The following ZNF493 variants were observed in gnomAD, a reference collection of about 807,000 sequenced individuals.
ZNF493 encodes the protein zinc finger protein 493.
ZNF493 carries 11 observed loss-of-function variants against 12.2 expected under a neutral mutation model. The ratio of observed to expected loss-of-function variants is 0.90; its 90% CI spans 0.57 to 1.50. The LOEUF is 1.50. Ranked by LOEUF, ZNF493 falls within the 40% of genes most tolerant of loss-of-function variation. ZNF493 has a pLI of 0.00. For missense variants in ZNF493, 950 were observed against 906.6 expected (o/e 1.05, Z -0.61); for synonymous variants, 286 against 302.6 (o/e 0.95, Z 0.57).
intron 3 of ZNF493, chr19:21,407,889 T>C: frequency 2.0e-6 from 2 of 985,230 alleles, no homozygotes; most frequent in Non-Finnish European, 2.4e-6. Context: ...CAATAGAGTT[T>C]ACTATTGGTG....
rs777190844 is a variant in ZNF493, at chr19:21,425,749, T to C, written c.*765T>C. 12 of 607,050 alleles carry C rather than the reference T, an allele frequency of 2.0e-5. No homozygotes were observed. The highest frequency in any genetic ancestry group is 1.8e-5 in the Non-Finnish European group (6 of 325,898). 37.6% of individuals were successfully genotyped at this position (607,050 alleles called of 1,614,324 possible). The stretch of plus-strand genomic sequence containing the variant: ...TTTTCAAACCTTACTAAACATAAGA[T>C]AACTCATACTGGAGAAAAATCTTAC... On this transcript the variant is annotated 3_prime_UTR_variant, in exon 4 of 4. Transcript: ENST00000392288.
chr19:21,423,368 TC>T lies in ZNF493; in HGVS notation c.711del (p.Tyr238ThrfsTer48). On this transcript the variant is annotated frameshift_variant, in exon 4 of 4. Transcript: ENST00000392288. LOFTEE classifies it low-confidence loss of function (END_TRUNC). ...CAGGAGAGTTCATACTGGAGAGAAA[TC>T]CTACAAATATGAATGTGGCAAATCT... ...RHRRVHTGEK[S>X]YKYECGKSFN... 1 of 1,613,302 alleles carries T rather than the reference TC, an allele frequency of 6.2e-7. No homozygotes were observed. Among genetic ancestry groups the T allele is most frequent in the South Asian group, 1.1e-5 (1 of 91,058 alleles).
At chr19:21,408,295 T>A (rs777093713) in intron 3 of ZNF493, 8 of 599,990 alleles carry the variant, frequency 1.3e-5, no homozygotes, top group Non-Finnish European at 1.7e-5. Flanking sequence ...CCAGCTAATT[T>A]TTTGTGTGTT....
intron 1 of ZNF493, chr19:21,397,595 G>T: frequency 1.9e-6 from 1 of 530,698 alleles, no homozygotes; most frequent in East Asian, 3.0e-5. Context: ...CCTGACTTGG[G>T]GTGCGGGTTC....
intron 1 of ZNF493, among the ~76,000 whole-genome samples, chr19:21,404,323 T>G (rs572239831): frequency 2.0e-5 from 3 of 152,254 alleles, no homozygotes; most frequent in African/African-American, 7.2e-5. Context: ...TGATGATGTC[T>G]TCTTCTGTGT....
chr19:21,400,161 C>T (rs1172474593), intron 1 of ZNF493, among the ~76,000 whole-genome samples: 5 of 152,228 alleles, frequency 3.3e-5, no homozygotes, highest in South Asian at 2.1e-4. Flanking sequence ...CCTGTAATCC[C>T]AGCACTTTGG....
intron 3 of ZNF493, chr19:21,413,804 T>G: frequency 4.5e-6 from 1 of 219,956 alleles, no homozygotes; most frequent in Non-Finnish European, 8.8e-6. Context: ...AGCTGGTTTC[T>G]GTACATGCTG....
chr19:21,417,874 C>T (rs1333602727), intron 3 of ZNF493, among the ~76,000 whole-genome samples: 2 of 152,176 alleles, frequency 1.3e-5, no homozygotes, highest in East Asian at 3.8e-4. Context: ...AGACTGGAAA[C>T]GGCAACATTC....
chr19:21,400,945 T>C (rs990158748), intron 1 of ZNF493, among the ~76,000 whole-genome samples: 8 of 152,234 alleles, frequency 5.3e-5, no homozygotes, highest in Admixed American at 6.5e-5. Flanking sequence ...ATGCCTTTTA[T>C]TTCTCTCTCT....
chr19:21,415,863 G>C (rs1326734035), intron 3 of ZNF493, among the ~76,000 whole-genome samples: 4 of 152,140 alleles, frequency 2.6e-5, no homozygotes. Flanking sequence ...GACTATTAAA[G>C]GCCAATTTTT....
In ZNF493 at chr19:21,417,781, C is replaced by G. The variant is rs149058968; in HGVS notation, c.254-5132C>G. On this transcript the variant is annotated intron_variant, in intron 3 of 3. Coordinates refer to ENST00000392288, the MANE Select transcript of ZNF493 (RefSeq NM_001076678.3). ...CGAGCAGCCTGAATGGAAGCTTCAT[C>G]TGCCCACCAAGTTTTAAATTGTAAG... Among the ~76,000 whole-genome samples the G allele has an allele frequency of 5.7e-3, 875 of 152,274 alleles. 4 individuals are homozygous for G. The highest frequency in any genetic ancestry group is 0.02 in the African/African-American group (846 of 41,558).
chr19:21,425,456 C>T lies in ZNF493; in HGVS notation c.*472C>T, dbSNP rs555191257. 588 of 463,456 alleles carry T rather than the reference C, an allele frequency of 1.3e-3. 2 individuals are homozygous for T. The highest frequency in any genetic ancestry group is 1.6e-3 in the Admixed American group (50 of 30,872). 28.7% of individuals were successfully genotyped at this position (463,456 alleles called of 1,614,324 possible). ...AATTATACAAATGTGAAGAATGTGG[C>T]AAAGCTTTTAACAAATCCTCATCCA... On this transcript the variant is annotated 3_prime_UTR_variant, in exon 4 of 4. Coordinates refer to ENST00000392288, the MANE Select transcript of ZNF493 (RefSeq NM_001076678.3).
chr19:21,406,218 A>G (rs1286027168), intron 3 of ZNF493, among the ~76,000 whole-genome samples: 1 of 82,526 alleles, frequency 1.2e-5, no homozygotes, highest in Non-Finnish European at 2.6e-5. Context: ...GTGAGACTTC[A>G]TCTCAAAAAA....
chr19:21,415,183 A>AC (rs1366216624), intron 3 of ZNF493, among the ~76,000 whole-genome samples: 1 of 152,184 alleles, frequency 6.6e-6, no homozygotes, highest in Non-Finnish European at 1.5e-5. Context: ...CTGAGTTGAA[A>AC]AAATTAGCAA....
chr19:21,406,392 T>A (rs962839869), intron 3 of ZNF493, among the ~76,000 whole-genome samples: 2 of 152,044 alleles, frequency 1.3e-5, no homozygotes, highest in Admixed American at 1.3e-4. Context: ...ATCTTCTGTC[T>A]TATGCTTTTA....
At chr19:21,416,592 C>G (rs533391008) in intron 3 of ZNF493, among the ~76,000 whole-genome samples, 3 of 152,240 alleles carry the variant, frequency 2.0e-5, no homozygotes, top group Admixed American at 2.0e-4. Context: ...ATTTCTTTCC[C>G]TGAATAGTTA....
chr19:21,401,443 C>T (rs1468755025), intron 1 of ZNF493, among the ~76,000 whole-genome samples: 1 of 151,934 alleles, frequency 6.6e-6, no homozygotes, highest in Non-Finnish European at 1.5e-5. Flanking sequence ...GCCAAATTTT[C>T]ATATTAGAAT....
Position 21,425,947 on chromosome 19 carries a change from ATG to A in ZNF493, c.*966_*967del. The A allele has an allele frequency of 1.4e-6, 1 of 690,740 alleles. No homozygotes were observed. Among genetic ancestry groups the A allele is most frequent in the Non-Finnish European group, 2.5e-6 (1 of 400,888 alleles). The allele number at this position is 690,740 out of a possible 1,614,324, so 42.8% of individuals were successfully genotyped here. A position where few individuals can be genotyped will look rare whatever the true frequency, so the allele number is the denominator to read the frequency against. ...GAGAGAAACCCTACAAATGTGAAGA[ATG>A]TGACAAAGCCTTTAACCAGTCCTCA... On this transcript the variant is annotated 3_prime_UTR_variant, in exon 4 of 4. Coordinates refer to ENST00000392288, the MANE Select transcript of ZNF493 (RefSeq NM_001076678.3).
chr19:21,423,224 A>T lies in ZNF493; in HGVS notation c.565A>T (p.Lys189Ter). ...ACCTTTCAAATGTAAAAAATGTGGCAAATCATTTTGCATGCTTTTACACCT... is the reference window on the plus strand; with the variant it reads ...ACCTTTCAAATGTAAAAAATGTGGCTAATCATTTTGCATGCTTTTACACCT... ...KKPFKCKKCGKSFCMLLHLCQ... is the reference protein window; with the variant it reads ...KKPFKCKKCG Residue 189 changes from lysine (K) to a stop codon, truncating the protein, a stop_gained, in exon 4 of 4, where the codon AAA (lysine) becomes TAA (stop). Transcript: ENST00000392288. LOFTEE classifies it low-confidence loss of function (END_TRUNC). The T allele has an allele frequency of 6.2e-7, 1 of 1,613,888 alleles. No individual in the cohort carries two copies. Among genetic ancestry groups the T allele is most frequent in the South Asian group, 1.1e-5 (1 of 91,068 alleles).
Sources: allele counts gnomAD v4.1 joint callset (sites outside exome capture counted in the v4.1 genomes callset), GRCh38; gene constraint gnomAD v4.1.1; transcripts MANE v1.5; gene names NCBI Gene and HGNC (gene_info 2026-07-23, HGNC 2026-07-21).